Variants in DAB1 observed in about 807,000 individuals in gnomAD.
The protein encoded by DAB1 is DAB adaptor protein 1, also known as disabled homolog 1.
A neutral mutation model predicts 64.6 loss-of-function variants in DAB1; 15 were observed. That is an observed-to-expected ratio of 0.23 (90% CI 0.16 to 0.36). The LOEUF (loss-of-function observed/expected upper bound fraction) is 0.36, where lower values mean the gene tolerates loss of function less well. Among genes scored for constraint, DAB1 ranks in the 10% least tolerant of loss-of-function variants. The pLI, the probability that DAB1 is intolerant of heterozygous loss-of-function variation, is 1.00. For missense variants in DAB1, 596 were observed against 706.7 expected, an observed-to-expected ratio of 0.84 and a Z score of 1.78; for synonymous variants, 235 against 251.9, an observed-to-expected ratio of 0.93 and a Z score of 0.64.
chr1:57,053,148 T>C (rs1452054881), intron 9 of DAB1, among the ~76,000 whole-genome samples: 2 of 152,186 alleles, frequency 1.3e-5, no homozygotes, highest in South Asian at 2.1e-4. Context: ...TCTCAGAAAG[T>C]TGAAGTGATC....
At chr1:58,043,126 C>T (rs1033246088) in intron 5 of DAB1, among the ~76,000 whole-genome samples, 4 of 152,128 alleles carry the variant, frequency 2.6e-5, no homozygotes, top group East Asian at 1.9e-4. Context: ...AATGTATAGG[C>T]GCTGTGCTGC....
At chr1:58,372,422 C>T (rs1298386035) in intron 3 of DAB1, among the ~76,000 whole-genome samples, 2 of 152,154 alleles carry the variant, frequency 1.3e-5, no homozygotes, top group African/African-American at 4.8e-5. Flanking sequence ...GGGTATCTAA[C>T]TTGCTTTTGA....
chr1:57,136,440 G>A (rs1340703868), intron 4 of DAB1, 103 bp downstream of exon 4: 2 of 589,020 alleles, frequency 3.4e-6, no homozygotes, highest in Non-Finnish European at 5.5e-6. Context: ...TGCTTTATGT[G>A]TTTTTATGCT....
At chr1:58,258,182 C>T (rs998422598) in intron 4 of DAB1, among the ~76,000 whole-genome samples, 13 of 152,084 alleles carry the variant, frequency 8.5e-5, no homozygotes, top group Admixed American at 3.3e-4. Flanking sequence ...CTGAGAACCC[C>T]GCGAAGGAGC....
chr1:58,478,142 T>C (rs1557433035), intron 3 of DAB1, among the ~76,000 whole-genome samples: 2 of 152,156 alleles, frequency 1.3e-5, no homozygotes. Flanking sequence ...TCCTCCATGC[T>C]GTTCTCCTGA....
chr1:57,839,867 T>G (rs1040979575), intron 1 of DAB1, among the ~76,000 whole-genome samples: 2 of 152,162 alleles, frequency 1.3e-5, no homozygotes, highest in African/African-American at 4.8e-5. Flanking sequence ...GATCCCAGCC[T>G]TTCTGTGTAA....
At chr1:57,758,160 CA>C (rs1466444443) in intron 6 of DAB1, among the ~76,000 whole-genome samples, 1 of 152,094 alleles carries the variant, frequency 6.6e-6, no homozygotes, top group Non-Finnish European at 1.5e-5. Context: ...GTCTGGCACC[CA>C]ATAAGGGCTC....
intron 7 of DAB1, among the ~76,000 whole-genome samples, chr1:57,604,698 A>G (rs1016406114): frequency 6.6e-6 from 1 of 152,210 alleles, no homozygotes; most frequent in East Asian, 1.9e-4. Context: ...AAGCCGCTTC[A>G]CTAGGGTTCG....
At chr1:57,102,498 G>T (rs1354568581) in intron 4 of DAB1, among the ~76,000 whole-genome samples, 1 of 152,140 alleles carries the variant, frequency 6.6e-6, no homozygotes. Context: ...TACTAAATTT[G>T]CACTTGCATG....
At chr1:57,054,294 G>C (rs116204660) in intron 9 of DAB1, among the ~76,000 whole-genome samples, 108 of 152,206 alleles carry the variant, frequency 7.1e-4, no homozygotes, top group African/African-American at 2.6e-3. Flanking sequence ...AGTGTTATAA[G>C]GTGTGATAGA....
chr1:57,249,911 G>A (rs1014186630), intron 2 of DAB1, among the ~76,000 whole-genome samples: 3 of 152,074 alleles, frequency 2.0e-5, no homozygotes, highest in African/African-American at 7.2e-5. Flanking sequence ...AGTATGTATT[G>A]CTTGCATTAA....
At chr1:57,954,552 T>A (rs1025380056) in intron 5 of DAB1, among the ~76,000 whole-genome samples, 2 of 152,164 alleles carry the variant, frequency 1.3e-5, no homozygotes, top group African/African-American at 4.8e-5. Flanking sequence ...AGACTACACA[T>A]AGAGCAAGGT....
At chr1:58,258,307 C>A (rs929614430) in intron 4 of DAB1, among the ~76,000 whole-genome samples, 61 of 152,332 alleles carry the variant, frequency 4.0e-4, no homozygotes, top group African/African-American at 1.4e-3. Context: ...GTTGTTCGGT[C>A]CAATCTGTTT....
intron 6 of DAB1, among the ~76,000 whole-genome samples, chr1:57,688,722 A>T (rs1166816717): frequency 6.6e-6 from 1 of 152,242 alleles, no homozygotes; most frequent in Non-Finnish European, 1.5e-5. Context: ...ATACCATGAA[A>T]TACTATGCAG....
At chr1:57,746,943 T>G (rs1015301667) in intron 6 of DAB1, among the ~76,000 whole-genome samples, 1 of 152,178 alleles carries the variant, frequency 6.6e-6, no homozygotes, top group Non-Finnish European at 1.5e-5. Flanking sequence ...TTATATATGA[T>G]GAAAATATTT....
chr1:58,075,875 A>G (rs1397765665), intron 5 of DAB1, among the ~76,000 whole-genome samples: 1 of 152,084 alleles, frequency 6.6e-6, no homozygotes, highest in Non-Finnish European at 1.5e-5. Flanking sequence ...CCAGGTGGGA[A>G]GTAGAGGGAA....
intron 2 of DAB1, among the ~76,000 whole-genome samples, chr1:57,155,765 T>C (rs1425584525): frequency 6.6e-6 from 1 of 151,628 alleles, no homozygotes; most frequent in East Asian, 1.9e-4. Flanking sequence ...TTTTTTTTTT[T>C]TTTGGTTAAT....
chr1:58,481,680 A>T (rs1306741453), intron 3 of DAB1, among the ~76,000 whole-genome samples: 6 of 149,292 alleles, frequency 4.0e-5, no homozygotes, highest in Non-Finnish European at 7.5e-5. Context: ...CTTGAATTGC[A>T]GTTCCCATAA....
intron 5 of DAB1, among the ~76,000 whole-genome samples, chr1:58,134,482 T>C (rs1476233370): frequency 1.3e-5 from 2 of 151,780 alleles, no homozygotes; most frequent in African/African-American, 4.8e-5. Context: ...CTCACACTGC[T>C]ATAAAGACAA....
Sources: allele counts gnomAD v4.1 joint callset (sites outside exome capture counted in the v4.1 genomes callset), GRCh38; gene constraint gnomAD v4.1.1; transcripts MANE v1.5; gene names NCBI Gene and HGNC (gene_info 2026-07-23, HGNC 2026-07-21).